CCDC91: variants seen among roughly 807,000 people sequenced by gnomAD.
CCDC91 encodes coiled-coil domain-containing protein 91.
A neutral mutation model predicts 63.2 loss-of-function variants in CCDC91; 48 were observed. The ratio of observed to expected loss-of-function variants is 0.76; its 90% CI spans 0.60 to 0.97. The LOEUF (loss-of-function observed/expected upper bound fraction) is 0.97. CCDC91 is among the 50% of genes least tolerant of loss of function. The probability of loss-of-function intolerance (pLI) is 0.00; values close to 1 mark genes in which losing one functional copy is unlikely to be tolerated. For synonymous variants in CCDC91, 167 were observed against 165.8 expected (o/e 1.01, Z -0.06); for missense variants, 500 against 494.6 (o/e 1.01, Z -0.10).
chr12:28,277,242 T>C (rs1258168801), intron 3 of CCDC91, among the ~76,000 whole-genome samples: 1 of 152,006 alleles, frequency 6.6e-6, no homozygotes, highest in East Asian at 1.9e-4. Context: ...ATAAATGACA[T>C]TGTCACAAAG....
At chr12:28,456,723 A>G (rs1359277444) in intron 11 of CCDC91, among the ~76,000 whole-genome samples, 2 of 152,074 alleles carry the variant, frequency 1.3e-5, no homozygotes, top group Non-Finnish European at 2.9e-5. Context: ...AGGTGAGAAA[A>G]GGTTAAGTTT....
chr12:28,241,722 C>T (rs1192506948), intron 1 of CCDC91, among the ~76,000 whole-genome samples: 1 of 151,990 alleles, frequency 6.6e-6, no homozygotes, highest in Non-Finnish European at 1.5e-5. Context: ...TCTTGCGGGG[C>T]GTGGTGGCTC....
At chr12:28,526,266 CT>C (rs1474074934) in intron 12 of CCDC91, among the ~76,000 whole-genome samples, 1 of 151,662 alleles carries the variant, frequency 6.6e-6, no homozygotes, top group Non-Finnish European at 1.5e-5. Flanking sequence ...TTTAGAGCTC[CT>C]TTTAGCAGTT....
At chr12:28,204,357 T>C in intron 1 of CCDC91, among the ~76,000 whole-genome samples, 1 of 152,202 alleles carries the variant, frequency 6.6e-6, no homozygotes, top group Non-Finnish European at 1.5e-5. Flanking sequence ...CTAGAGATGC[T>C]TTTTCATGCT....
In CCDC91 at chr12:28,427,459, T is replaced by C. The variant is rs182384698; in HGVS notation, c.763-22702T>C. On this transcript the variant is annotated intron_variant, in intron 8 of 12. Coordinates refer to ENST00000536442, the MANE Select transcript of CCDC91 (RefSeq NM_018318.5). ...ATGGGATTCCTGGAGGGAAGACCCATGAAAGTATGAGAGCAACTAACCCCC... is the reference window on the plus strand; with the variant it reads ...ATGGGATTCCTGGAGGGAAGACCCACGAAAGTATGAGAGCAACTAACCCCC... Among the ~76,000 whole-genome samples the C allele has an allele frequency of 3.5e-3, 533 of 152,208 alleles. 7 individuals are homozygous for C. The highest frequency in any genetic ancestry group is 0.012 in the African/African-American group (501 of 41,512).
chr12:28,473,778 G>C (rs10843185), intron 11 of CCDC91, among the ~76,000 whole-genome samples: 32,161 of 151,952 alleles, frequency 0.21, 4,376 homozygotes, highest in Non-Finnish European at 0.31. Context: ...AACCGATGCC[G>C]TCAATCTCAT....
chr12:28,327,851 G>C (rs767274985), intron 6 of CCDC91, among the ~76,000 whole-genome samples: 1 of 152,076 alleles, frequency 6.6e-6, no homozygotes, highest in Non-Finnish European at 1.5e-5. Flanking sequence ...CTGCCATGTT[G>C]AATCTCATCA....
chr12:28,260,702 G>A (rs543538692), intron 3 of CCDC91, among the ~76,000 whole-genome samples: 1 of 152,000 alleles, frequency 6.6e-6, no homozygotes, highest in Non-Finnish European at 1.5e-5. Flanking sequence ...TATCTTAAAT[G>A]TGGGGCATAG....
intron 12 of CCDC91, among the ~76,000 whole-genome samples, chr12:28,528,065 C>G (rs765677565): frequency 9.9e-5 from 15 of 152,194 alleles, no homozygotes; most frequent in Non-Finnish European, 1.3e-4. Context: ...CTTCTCCCCC[C>G]ACCTGTGGAG....
chr12:28,449,560 T>G (rs1592707428), intron 8 of CCDC91, among the ~76,000 whole-genome samples: 1 of 152,168 alleles, frequency 6.6e-6, no homozygotes, highest in East Asian at 1.9e-4. Flanking sequence ...GAGCTTTTTC[T>G]GTAGCACATC....
intron 11 of CCDC91, among the ~76,000 whole-genome samples, chr12:28,469,321 G>A (rs571868456): frequency 6.6e-6 from 1 of 151,996 alleles, no homozygotes; most frequent in East Asian, 1.9e-4. Context: ...AAACAAGAAA[G>A]TAATACCATT....
intron 6 of CCDC91, among the ~76,000 whole-genome samples, chr12:28,316,426 A>G (rs1354327606): frequency 1.3e-5 from 2 of 151,466 alleles, no homozygotes; most frequent in Admixed American, 6.6e-5. Context: ...GAGTTGTTCT[A>G]ACTTTGGTTT....
intron 8 of CCDC91, among the ~76,000 whole-genome samples, chr12:28,436,257 C>A (rs1948899963): frequency 6.6e-6 from 1 of 151,390 alleles, no homozygotes; most frequent in South Asian, 2.1e-4. Context: ...CTTATCAAAT[C>A]TTTCTCTTTT....
At chr12:28,514,433 G>C (rs1939706476) in intron 12 of CCDC91, among the ~76,000 whole-genome samples, 1 of 150,676 alleles carries the variant, frequency 6.6e-6, no homozygotes, top group African/African-American at 2.4e-5. Context: ...AGTTTCTTTT[G>C]CTGTGCAGAA....
At chr12:28,246,046 T>G (rs188510805) in intron 1 of CCDC91, among the ~76,000 whole-genome samples, 9 of 152,252 alleles carry the variant, frequency 5.9e-5, no homozygotes, top group Admixed American at 5.9e-4. Flanking sequence ...GAATAAACTT[T>G]GGCATATAAT....
chr12:28,483,573 C>G (rs1406393551), intron 11 of CCDC91, among the ~76,000 whole-genome samples: 1 of 152,078 alleles, frequency 6.6e-6, no homozygotes, highest in African/African-American at 2.4e-5. Flanking sequence ...GTGTCCAGCT[C>G]ACAACATCTT....
intron 6 of CCDC91, among the ~76,000 whole-genome samples, chr12:28,323,214 A>G (rs1482275270): frequency 1.3e-5 from 2 of 151,476 alleles, no homozygotes; most frequent in Admixed American, 1.3e-4. Flanking sequence ...TCTCTTATAT[A>G]TGAGTTTTGG....
intron 6 of CCDC91, among the ~76,000 whole-genome samples, chr12:28,318,141 T>A (rs892178209): frequency 6.6e-6 from 1 of 151,916 alleles, no homozygotes. Flanking sequence ...ATACAAATTT[T>A]ATTAATTTTA....
At chr12:28,277,209 A>G (rs1948293399) in intron 3 of CCDC91, among the ~76,000 whole-genome samples, 2 of 152,116 alleles carry the variant, frequency 1.3e-5, no homozygotes, top group Admixed American at 6.6e-5. Context: ...CCTTCTTCAT[A>G]GTATTGAACA....
Sources: allele counts gnomAD v4.1 joint callset (sites outside exome capture counted in the v4.1 genomes callset), GRCh38; gene constraint gnomAD v4.1.1; transcripts MANE v1.5; gene names NCBI Gene and HGNC (gene_info 2026-07-23, HGNC 2026-07-21).